CSMD1: variants seen among roughly 807,000 people sequenced by gnomAD.
The protein encoded by CSMD1 is CUB and sushi domain-containing protein 1.
In CSMD1, 213 loss-of-function variants were observed where a neutral mutation model predicts 417.5. The ratio of observed to expected loss-of-function variants is 0.51; its 90% CI spans 0.46 to 0.57. CSMD1 has a LOEUF of 0.57. CSMD1 is among the 20% of genes least tolerant of loss of function. The pLI, the probability that CSMD1 is intolerant of heterozygous loss-of-function variation, is 0.00. For synonymous variants in CSMD1, 2,862 were observed against 1,736.8 expected (o/e 1.65, Z -16.11); for missense variants, 6,923 against 4,529.7 (o/e 1.53, Z -15.17).
chr8:3,561,207 C>A (rs1227603212), intron 10 of CSMD1, among the ~76,000 whole-genome samples: 2 of 152,162 alleles, frequency 1.3e-5, no homozygotes, highest in African/African-American at 4.8e-5. Flanking sequence ...GAGTAAGCCT[C>A]TATGGAAAAC....
intron 8 of CSMD1, among the ~76,000 whole-genome samples, chr8:3,614,609 G>C (rs532064875): frequency 1.5e-4 from 23 of 152,276 alleles, no homozygotes; most frequent in African/African-American, 4.3e-4. Flanking sequence ...TGAAGAATTT[G>C]ATATTCTCAG....
At chr8:3,860,104 G>C (rs970657839) in intron 5 of CSMD1, among the ~76,000 whole-genome samples, 1 of 152,070 alleles carries the variant, frequency 6.6e-6, no homozygotes, top group African/African-American at 2.4e-5. Context: ...TAAAAAGTTT[G>C]CCTTCATATT....
chr8:4,800,617 C>A (rs967118088), intron 1 of CSMD1, among the ~76,000 whole-genome samples: 4 of 152,206 alleles, frequency 2.6e-5, no homozygotes, highest in African/African-American at 9.7e-5. Flanking sequence ...GGGGTAGAGT[C>A]ACAGACCCAT....
At chr8:4,915,447 T>A (rs1383230568) in intron 1 of CSMD1, among the ~76,000 whole-genome samples, 1 of 152,220 alleles carries the variant, frequency 6.6e-6, no homozygotes, top group East Asian at 1.9e-4. Context: ...GGAAACCACA[T>A]ATCTGCGTAC....
At chr8:4,701,717 A>T (rs1006770724) in intron 1 of CSMD1, among the ~76,000 whole-genome samples, 1 of 152,190 alleles carries the variant, frequency 6.6e-6, no homozygotes, top group African/African-American at 2.4e-5. Flanking sequence ...GACAAATCAT[A>T]ACATTCCTCT....
chr8:3,767,901 G>C (rs1366379390), intron 5 of CSMD1, among the ~76,000 whole-genome samples: 2 of 152,118 alleles, frequency 1.3e-5, no homozygotes, highest in African/African-American at 2.4e-5. Context: ...AAGTTAAAAA[G>C]TTTCCCAACT....
intron 12 of CSMD1, among the ~76,000 whole-genome samples, chr8:3,435,275 C>T (rs533153379): frequency 9.7e-4 from 145 of 149,578 alleles, no homozygotes; most frequent in Middle Eastern, 3.4e-3. Flanking sequence ...TTTCACTGCA[C>T]ATATTTCACT....
At chr8:3,371,931 G>C (rs755240516) in intron 18 of CSMD1, among the ~76,000 whole-genome samples, 1 of 152,110 alleles carries the variant, frequency 6.6e-6, no homozygotes, top group Non-Finnish European at 1.5e-5. Context: ...AATCGTTATT[G>C]GGCACCTGCT....
At chr8:4,529,264 T>G (rs2130444855) in intron 2 of CSMD1, among the ~76,000 whole-genome samples, 1 of 152,250 alleles carries the variant, frequency 6.6e-6, no homozygotes, top group Middle Eastern at 3.4e-3. Flanking sequence ...GTGGACAATG[T>G]GGTTTTCCAA....
At chr8:4,197,552 G>A (rs188499455) in intron 3 of CSMD1, among the ~76,000 whole-genome samples, 45 of 152,212 alleles carry the variant, frequency 3.0e-4, no homozygotes, top group Middle Eastern at 6.8e-3. Context: ...CTAAAACACT[G>A]GTTCTATTTC....
At chr8:4,574,044 C>G (rs1048860511) in intron 2 of CSMD1, among the ~76,000 whole-genome samples, 24 of 152,294 alleles carry the variant, frequency 1.6e-4, no homozygotes, top group Middle Eastern at 3.4e-3. Context: ...GCCAGTGAAT[C>G]TTAGCTTGCT....
intron 5 of CSMD1, among the ~76,000 whole-genome samples, chr8:3,962,368 G>C (rs924420861): frequency 4.6e-5 from 7 of 152,208 alleles, no homozygotes; most frequent in African/African-American, 9.7e-5. Flanking sequence ...CTAGAGCAGA[G>C]TCAGGCAGCA....
intron 5 of CSMD1, among the ~76,000 whole-genome samples, chr8:3,854,043 C>T (rs1362242665): frequency 2.1e-5 from 3 of 140,724 alleles, no homozygotes; most frequent in Admixed American, 7.2e-5. Flanking sequence ...ATATAATATA[C>T]TAAAGTATAT....
intron 5 of CSMD1, among the ~76,000 whole-genome samples, chr8:3,834,887 C>G (rs192919052): frequency 1.3e-5 from 2 of 151,702 alleles, no homozygotes; most frequent in African/African-American, 4.8e-5. Context: ...AACAAACAAC[C>G]CCATCAAAAA....
intron 3 of CSMD1, among the ~76,000 whole-genome samples, chr8:4,389,841 A>G (rs1191719142): frequency 6.6e-6 from 1 of 152,184 alleles, no homozygotes; most frequent in Admixed American, 6.5e-5. Flanking sequence ...TAATGTCTAC[A>G]TGAATATTAC....
chr8:4,027,823 G>C (rs529604626), intron 4 of CSMD1, among the ~76,000 whole-genome samples: 2 of 152,126 alleles, frequency 1.3e-5, no homozygotes, highest in African/African-American at 4.8e-5. Context: ...GAAATGAAGA[G>C]TATGACTTGA....
intron 3 of CSMD1, among the ~76,000 whole-genome samples, chr8:4,068,117 G>A (rs76654916): frequency 2.0e-4 from 31 of 152,096 alleles, no homozygotes; most frequent in African/African-American, 5.3e-4. Context: ...ACAACAGTGA[G>A]TGTCTTCTTG....
At chr8:4,261,375 A>G (rs549691786) in intron 3 of CSMD1, among the ~76,000 whole-genome samples, 1 of 152,170 alleles carries the variant, frequency 6.6e-6, no homozygotes, top group South Asian at 2.1e-4. Context: ...AGAAATAGAG[A>G]TTAGAATCAG....
At chr8:4,264,192 G>T (rs1037125273) in intron 3 of CSMD1, among the ~76,000 whole-genome samples, 2 of 152,190 alleles carry the variant, frequency 1.3e-5, no homozygotes, top group Admixed American at 6.6e-5. Flanking sequence ...TGGTGATGAT[G>T]ATGATTACCA....
Sources: allele counts gnomAD v4.1 joint callset (sites outside exome capture counted in the v4.1 genomes callset), GRCh38; gene constraint gnomAD v4.1.1; transcripts MANE v1.5; gene names NCBI Gene and HGNC (gene_info 2026-07-23, HGNC 2026-07-21).